The following ANKRD30A variants were observed in gnomAD, a reference collection of about 807,000 sequenced individuals.
ANKRD30A encodes the protein ankyrin repeat domain 30A, also known as ankyrin repeat domain-containing protein 30A.
ANKRD30A carries 170 observed loss-of-function variants against 166.3 expected under a neutral mutation model. The ratio of observed to expected loss-of-function variants is 1.02; its 90% confidence interval spans 0.90 to 1.16. The LOEUF (loss-of-function observed/expected upper bound fraction) is 1.16. Ranked by LOEUF, ANKRD30A falls within the 50% of genes most tolerant of loss-of-function variation. The pLI, the probability that ANKRD30A is intolerant of heterozygous loss-of-function variation, is 0.00. For synonymous variants in ANKRD30A, 564 were observed against 508.9 expected (o/e 1.11, Z -1.46); for missense variants, 1,630 against 1,518.0 (o/e 1.07, Z -1.23).
chr10:37,253,749 G>T, the ANKRD30A span, among the ~76,000 whole-genome samples: 6 of 150,436 alleles, frequency 4.0e-5, no homozygotes, highest in South Asian at 1.3e-3. Context: ...CGGGCTTCAC[G>T]CCATTCTCCT....
intron 33 of ANKRD30A, 30 bp downstream of exon 33, chr10:37,217,908 T>A: frequency 1.5e-5 from 21 of 1,434,496 alleles, no homozygotes; most frequent in Non-Finnish European, 2.0e-5. Flanking sequence ...AAATTTTATA[T>A]TTCTAACTTT....
chr10:37,165,290 T>A lies in ANKRD30A; in HGVS notation c.2064+135T>A, dbSNP rs868639416. The A allele has an allele frequency of 2.2e-5, 18 of 833,040 alleles. No individual in the cohort carries two copies. The Middle Eastern group carries it at 4.9e-3, about 228-fold the overall frequency. 51.6% of individuals were successfully genotyped at this position (833,040 alleles called of 1,614,324 possible). ...ATTTTTGATGTTTTTCAGTATATGCTTAATGGAGAATCTATGTGCTAAGTA... is the reference window on the plus strand; with the variant it reads ...ATTTTTGATGTTTTTCAGTATATGCATAATGGAGAATCTATGTGCTAAGTA... On this transcript the variant is annotated intron_variant, in intron 18 of 35. Coordinates refer to ENST00000361713, the MANE Select transcript of ANKRD30A (RefSeq NM_052997.3).
At chr10:37,137,397 C>T (rs1017439911) in intron 6 of ANKRD30A, among the ~76,000 whole-genome samples, 2 of 152,120 alleles carry the variant, frequency 1.3e-5, no homozygotes, top group Non-Finnish European at 2.9e-5. Context: ...GGGTGCAGCG[C>T]ACTGAGCATG....
chr10:37,165,244 T>A, intron 18 of ANKRD30A, 89 bp downstream of exon 18: 1 of 1,223,090 alleles, frequency 8.2e-7, no homozygotes, highest in Middle Eastern at 2.0e-4. Context: ...TTCTCACCTC[T>A]GCATGTGTCA....
the ANKRD30A span, among the ~76,000 whole-genome samples, chr10:37,238,722 T>G: frequency 6.6e-6 from 1 of 152,172 alleles, no homozygotes. Flanking sequence ...GAAAAGATAA[T>G]AGCATTACCT....
At chr10:37,154,088 G>T (rs917649305) in intron 13 of ANKRD30A, among the ~76,000 whole-genome samples, 1 of 152,088 alleles carries the variant, frequency 6.6e-6, no homozygotes, top group African/African-American at 2.4e-5. Context: ...TGACCTTCTA[G>T]TATCAAAATT....
At chr10:37,252,844 G>A in the ANKRD30A span, among the ~76,000 whole-genome samples, 1 of 152,022 alleles carries the variant, frequency 6.6e-6, no homozygotes, top group South Asian at 2.1e-4. Context: ...ATATATAAGT[G>A]CTTATATAAG....
At chr10:37,165,505 G>C (rs1839253185) in intron 18 of ANKRD30A, among the ~76,000 whole-genome samples, 1 of 152,168 alleles carries the variant, frequency 6.6e-6, no homozygotes, top group African/African-American at 2.4e-5. Context: ...CTTATATCTA[G>C]AGGTAGAAAA....
chr10:37,260,692 G>GATAT, the ANKRD30A span, among the ~76,000 whole-genome samples: 1 of 152,280 alleles, frequency 6.6e-6, no homozygotes, highest in South Asian at 2.1e-4. Context: ...GGGAAAATCG[G>GATAT]CAGGCCCAGA....
chr10:37,147,478 GAA>G (rs1217042643), intron 9 of ANKRD30A, 21 bp downstream of exon 9: 3 of 1,499,366 alleles, frequency 2.0e-6, no homozygotes, highest in African/African-American at 1.4e-5. Flanking sequence ...TTTTTTATTT[GAA>G]AAGTCTTTTA....
At chr10:37,178,851 A>G (rs1173897860) in intron 24 of ANKRD30A, among the ~76,000 whole-genome samples, 3 of 150,812 alleles carry the variant, frequency 2.0e-5, no homozygotes, top group African/African-American at 4.8e-5. Flanking sequence ...TGGATTTTCT[A>G]TGAAGGAAAA....
chr10:37,220,850 G>A (rs1842866848), intron 34 of ANKRD30A, among the ~76,000 whole-genome samples: 1 of 151,064 alleles, frequency 6.6e-6, no homozygotes, highest in Non-Finnish European at 1.5e-5. Context: ...CAGGAGGGAT[G>A]CAGAGACCAG....
At chr10:37,172,546 T>TC (rs1486962796) in intron 21 of ANKRD30A, among the ~76,000 whole-genome samples, 1 of 146,066 alleles carries the variant, frequency 6.8e-6, no homozygotes, top group African/African-American at 2.5e-5. Flanking sequence ...TTAATTTCTT[T>TC]TTTTTTTTTT....
At chr10:37,167,106 A>G (rs866703907) in intron 19 of ANKRD30A, among the ~76,000 whole-genome samples, 3 of 151,932 alleles carry the variant, frequency 2.0e-5, no homozygotes, top group Non-Finnish European at 2.9e-5. Context: ...GAAGCCAGCT[A>G]GATGATTTTG....
chr10:37,230,053 A>G (rs1843350190), intron 34 of ANKRD30A, among the ~76,000 whole-genome samples: 1 of 151,984 alleles, frequency 6.6e-6, no homozygotes, highest in South Asian at 2.1e-4. Flanking sequence ...AACCTATAGC[A>G]CTTAAGAGAG....
chr10:37,164,720 A>C (rs1013895109), intron 17 of ANKRD30A, among the ~76,000 whole-genome samples: 1 of 152,136 alleles, frequency 6.6e-6, no homozygotes, highest in African/African-American at 2.4e-5. Context: ...AACGTAAGTA[A>C]TACTACCAAG....
In ANKRD30A at chr10:37,127,046, CAAAAAAAAAAAAAAAAAAAA is replaced by C. The variant is rs71007622; in HGVS notation, c.221+1058_221+1077del. On this transcript the variant is annotated intron_variant, in intron 1 of 35. Transcript: ENST00000361713. ...TAGGTGATAGAGTGAAACTCTGTCT[CAAAAAAAAAAAAAAAAAAAA>C]AAAAAAAAAAAAAAAAAAATCACAA... is the stretch of plus-strand genomic sequence containing the variant. Among the ~76,000 whole-genome samples the C allele has an allele frequency of 1.9e-3, 32 of 16,502 alleles. No homozygotes were observed. In the East Asian group the frequency reaches 0.036, roughly 18 times the overall value. The allele number at this position is 16,502 out of a possible 152,430, so 10.8% of individuals were successfully genotyped here.
At chr10:37,150,223 T>G (rs1013581013) in intron 11 of ANKRD30A, among the ~76,000 whole-genome samples, 1 of 152,086 alleles carries the variant, frequency 6.6e-6, no homozygotes, top group Admixed American at 6.6e-5. Flanking sequence ...TTTACTGATA[T>G]AACACTTGTG....
chr10:37,242,580 T>C, the ANKRD30A span, among the ~76,000 whole-genome samples: 1 of 152,340 alleles, frequency 6.6e-6, no homozygotes, highest in Admixed American at 6.5e-5. Context: ...AAGCTTTTTC[T>C]TTGGAGAAAT....
Sources: allele counts gnomAD v4.1 joint callset (sites outside exome capture counted in the v4.1 genomes callset), GRCh38; gene constraint gnomAD v4.1.1; transcripts MANE v1.5; gene names NCBI Gene and HGNC (gene_info 2026-07-23, HGNC 2026-07-21).